Variants in DNAH1 observed in about 807,000 individuals in gnomAD.
DNAH1 encodes dynein axonemal heavy chain 1.
In DNAH1, 327 loss-of-function variants were observed where a neutral mutation model predicts 484.3. The ratio of observed to expected loss-of-function variants is 0.68; its 90% CI spans 0.62 to 0.74. The LOEUF (loss-of-function observed/expected upper bound fraction) is 0.74. DNAH1 is among the 30% of genes least tolerant of loss of function. DNAH1 has a pLI of 0.00. For missense variants in DNAH1, 5,052 were observed against 5,546.8 expected (o/e 0.91, Z 2.83); for synonymous variants, 2,192 against 2,191.9 (o/e 1.00, Z 0.00).
chr3:52,397,935 GC>G lies in DNAH1; in HGVS notation c.11958+61del, dbSNP rs1704712008. ...TGGACGGGCTGGGCTTCACCATCCT[GC>G]CCACTCCCCTGTGGGAAGGACCCCT... is the stretch of plus-strand genomic sequence containing the variant. On this transcript the variant is annotated intron_variant, in intron 74 of 77. Coordinates refer to ENST00000420323, the MANE Select transcript of DNAH1 (RefSeq NM_015512.5). 3 of 1,575,378 alleles carry G rather than the reference GC, an allele frequency of 1.9e-6. No homozygotes were observed. The South Asian group carries it at 3.6e-5, about 19-fold the overall frequency.
At chr3:52,393,606 G>C in intron 66 of DNAH1, 121 bp downstream of exon 66, 1 of 1,415,498 alleles carries the variant, frequency 7.1e-7, no homozygotes, top group Non-Finnish European at 9.6e-7. Context: ...AAGTGGCAGA[G>C]GAAACAATTC....
In DNAH1 at chr3:52,388,560, T is replaced by C. The variant is rs773431107; in HGVS notation, c.9314T>C (p.Leu3105Pro). The stretch of plus-strand genomic sequence containing the variant: ...GAATGCATTACCAAGAAGGAGGAGC[T>C]GGAGCTGAAGTGTGAGCAGTGTGAG... ...YRECITKKEE[L>P]ELKCEQCEQR... is the part of the protein sequence containing the mutation. The change falls in exon 58 of 78, where the codon CTG becomes CCG. Residue 3105 changes from leucine (L) to proline (P), a missense_variant. Transcript: ENST00000420323. The C allele has an allele frequency of 6.2e-7, 1 of 1,612,936 alleles. No individual in the cohort carries two copies. Among genetic ancestry groups the C allele is most frequent in the South Asian group, 1.1e-5 (1 of 90,930 alleles).
At position 52,370,758 on chromosome 3, in the gene DNAH1, A is replaced by T. The variant is rs746851839; in HGVS notation, c.6458A>T (p.Tyr2153Phe). Residue 2153 changes from tyrosine to phenylalanine, a missense_variant, in exon 41 of 78, where the codon TAC (tyrosine) becomes TTC (phenylalanine). Physicochemically the swap from Tyr to Phe is conservative, Grantham distance 22 (BLOSUM62 3). Coordinates refer to ENST00000420323, the MANE Select transcript of DNAH1 (RefSeq NM_015512.5). ...CCAGAAGAGGGGCTGGTGTTCGATTACAGGCTGGAGGACGCGGGCATCAGT... is the reference window on the plus strand; with the variant it reads ...CCAGAAGAGGGGCTGGTGTTCGATTTCAGGCTGGAGGACGCGGGCATCAGT... ...LFPEEGLVFD[Y>F]RLEDAGISGT... 1 of 1,608,438 alleles carries T rather than the reference A, an allele frequency of 6.2e-7. No individual in the cohort carries two copies. The highest frequency in any genetic ancestry group is 8.5e-7 in the Non-Finnish European group (1 of 1,177,714).
rs977521725 is a variant in DNAH1, at chr3:52,390,936, T to C, written c.9623T>C (p.Ile3208Thr). The part of the protein sequence containing the change: ...GNPVKIRSWQ[I>T]AGLPNDTLSV... ...AGTCCAGTGCCTGGCTCTCCACAGA[T>C]CGCTGGCCTCCCCAACGACACACTG... The change falls in exon 61 of 78, where the codon ATC becomes ACC. Residue 3208 changes from isoleucine to threonine, a missense_variant and splice_region_variant. Ile to Thr is a moderately conservative substitution (Grantham distance 89). This residue lies in a region of DNAH1 where 2,929 missense variants were observed against 3,409.4 expected (regional missense o/e 0.86). Transcript: ENST00000420323. 2 of 1,551,644 alleles carry C rather than the reference T, an allele frequency of 1.3e-6. No individual in the cohort carries two copies. Among genetic ancestry groups the C allele is most frequent in the African/African-American group, 2.7e-5 (2 of 73,026 alleles).
chr3:52,360,111 A>T, intron 27 of DNAH1, 32 bp downstream of exon 27: 2 of 1,613,006 alleles, frequency 1.2e-6, no homozygotes, highest in East Asian at 4.5e-5. Flanking sequence ...CCAGGGCCAG[A>T]GCAGCTGCCA....
chr3:52,341,921 GCA>G (rs1400798758), intron 8 of DNAH1, among the ~76,000 whole-genome samples: 1 of 152,184 alleles, frequency 6.6e-6, no homozygotes, highest in Non-Finnish European at 1.5e-5. Context: ...CAAAGAGCCT[GCA>G]CCCTGGGGAC....
At position 52,354,752 on chromosome 3, in the gene DNAH1, G is replaced by GTA. The variant is rs145104015; in HGVS notation, c.3481-90_3481-89dup. On this transcript the variant is annotated intron_variant, in intron 20 of 77. Transcript: ENST00000420323. ...GCGGCCATGTGGAGGTCATGGCCAG[G>GTA]TACTGTCTGCTGCTTCCCTGGGCAG... is the stretch of plus-strand genomic sequence containing the variant. 1.1e-3 allele frequency: 1,510 copies of GTA among 1,319,540 alleles called. 19 individuals are homozygous for GTA. The African/African-American group carries it at 0.02, about 18-fold the overall frequency. 81.7% of individuals were successfully genotyped at this position (1,319,540 alleles called of 1,614,324 possible). A position where few individuals can be genotyped will look rare whatever the true frequency, so the allele number is the denominator to read the frequency against.
At chr3:52,384,319 G>A (rs1704001793) in intron 52 of DNAH1, among the ~76,000 whole-genome samples, 1 of 152,214 alleles carries the variant, frequency 6.6e-6, no homozygotes, top group South Asian at 2.1e-4. Context: ...TAGAACTCCA[G>A]AGATCACAGA....
chr3:52,360,764 C>T (rs1035115450), intron 28 of DNAH1, among the ~76,000 whole-genome samples: 1 of 152,216 alleles, frequency 6.6e-6, no homozygotes, highest in Admixed American at 6.5e-5. Flanking sequence ...TCCGTCAATT[C>T]CTCCTTTAAT....
At chr3:52,319,504 A>G (rs1430222084) in intron 1 of DNAH1, among the ~76,000 whole-genome samples, 1 of 152,270 alleles carries the variant, frequency 6.6e-6, no homozygotes, top group African/African-American at 2.4e-5. Flanking sequence ...CTAAGCCACC[A>G]ATAACATTCA....
chr3:52,393,560 A>C lies in DNAH1; in HGVS notation c.10626+75A>C, dbSNP rs1015122981. ...CAGGGCCTGAGAACAGGGTGGAAGG[A>C]AAGGGAAAGCCAGGCATGAAGGCAC... On this transcript the variant is annotated intron_variant, in intron 66 of 77. Coordinates refer to ENST00000420323, the MANE Select transcript of DNAH1 (RefSeq NM_015512.5). 2.5e-6 allele frequency: 4 copies of C among 1,583,860 alleles called. No individual in the cohort carries two copies. The African/African-American group carries it at 5.4e-5, about 21-fold the overall frequency.
At position 52,346,631 on chromosome 3, in the gene DNAH1, A is replaced by T; in HGVS notation, c.1816A>T (p.Met606Leu). 6.2e-7 allele frequency: 1 copy of T among 1,614,054 alleles called. No homozygotes were observed. Among genetic ancestry groups the T allele is most frequent in the Non-Finnish European group, 8.5e-7 (1 of 1,179,886 alleles). Residue 606 changes from methionine (M) to leucine (L), a missense_variant, in exon 11 of 78, where the codon ATG becomes TTG. Transcript: ENST00000420323. Reference protein sequence around the residue: ...LRKLMELVKYMLQDTLRFLVQ... With the variant: ...LRKLMELVKYLLQDTLRFLVQ... ...CAAGCTGATGGAGCTGGTGAAGTAC[A>T]TGCTGCAGGACACACTGCGCTTCCT...
Position 52,396,915 on chromosome 3 carries a change from T to C in DNAH1, c.11658T>C (p.Thr3886=). 2 of 1,444,164 alleles carry C rather than the reference T, an allele frequency of 1.4e-6. No individual in the cohort carries two copies. Among genetic ancestry groups the C allele is most frequent in the Non-Finnish European group, 1.9e-6 (2 of 1,072,044 alleles). The allele number at this position is 1,444,164 out of a possible 1,614,324, so 89.5% of individuals were successfully genotyped here. Residue 3886 remains threonine, a synonymous_variant, in exon 73 of 78, where the codon ACT becomes ACC. Coordinates refer to ENST00000420323, the MANE Select transcript of DNAH1 (RefSeq NM_015512.5). ...AGEINYGGRV[T]DDWDRRCIMN... ...AGATCAATTACGGGGGCCGTGTCAC[T>C]GATGACTGGGACCGGCGCTGCATCA...
Position 52,361,232 on chromosome 3 carries a change from C to T in DNAH1, c.4754C>T (p.Thr1585Ile). 6.2e-7 allele frequency: 1 copy of T among 1,612,888 alleles called. No homozygotes were observed. Among genetic ancestry groups the T allele is most frequent in the Non-Finnish European group, 8.5e-7 (1 of 1,179,594 alleles). The change falls in exon 29 of 78, where the codon ACA becomes ATA. Residue 1585 changes from threonine (T) to isoleucine (I), a missense_variant. Physicochemically the swap from Thr to Ile is moderately conservative, Grantham distance 89. Transcript: ENST00000420323. This position sits in a 1 kb window ranked among gnomAD's most constrained non-coding sequence, Gnocchi z 5.6. ...FGGAPAGPAG[T>I]GKTETTKDLG... ...GGTGCCCCAGCTGGCCCAGCTGGCA[C>T]AGGCAAAACTGAGACCACCAAAGAC...
intron 73 of DNAH1, 148 bp from the exon 74 acceptor site, chr3:52,397,559 G>C: frequency 1.4e-6 from 1 of 731,940 alleles, no homozygotes; most frequent in South Asian, 2.0e-5. Context: ...GAGGCCTGGA[G>C]TCCCAAGAGC....
intron 63 of DNAH1, 95 bp downstream of exon 63, chr3:52,391,698 T>G (rs1704395431): frequency 6.9e-7 from 1 of 1,442,704 alleles, no homozygotes; most frequent in African/African-American, 1.4e-5. Flanking sequence ...TCAGTGGGAC[T>G]TTCCCCCACT....
At position 52,353,357 on chromosome 3, in the gene DNAH1, T is replaced by C; in HGVS notation, c.3227-23T>C. 1 of 1,608,726 alleles carries C rather than the reference T, an allele frequency of 6.2e-7. No homozygotes were observed. The highest frequency in any genetic ancestry group is 2.2e-5 in the East Asian group (1 of 44,800). ...CCCTGCCTCTGCCGCCTGCCTCTCATGCGTTTCTGTCTTACCCGGCAGCCT... is the reference window on the plus strand; with the variant it reads ...CCCTGCCTCTGCCGCCTGCCTCTCACGCGTTTCTGTCTTACCCGGCAGCCT... On this transcript the variant is annotated intron_variant, in intron 19 of 77. Coordinates refer to ENST00000420323, the MANE Select transcript of DNAH1 (RefSeq NM_015512.5). The surrounding 1 kb of genome is among the most constrained non-coding windows in gnomAD (Gnocchi z 5.0).
chr3:52,345,569 C>G lies in DNAH1; in HGVS notation c.1519C>G (p.Pro507Ala). 1 of 1,599,004 alleles carries G rather than the reference C, an allele frequency of 6.3e-7. No individual in the cohort carries two copies. Residue 507 changes from proline (P) to alanine (A), a missense_variant, in exon 10 of 78, where the codon CCA becomes GCA. By Grantham distance (27) the Pro-to-Ala change is conservative. Around this residue, in one of 4 missense-constraint regions of DNAH1, gnomAD observed 1,263 missense variants for 1,218.8 expected, o/e 1.04. Coordinates refer to ENST00000420323, the MANE Select transcript of DNAH1 (RefSeq NM_015512.5). Reference protein sequence around the residue: ...DFTFVSLLTRPEVITALSKVR... With the variant: ...DFTFVSLLTRAEVITALSKVR... ...CACTTTCGTGTCCCTGCTCACACGG[C>G]CAGAGGTCATCACGGCCCTCAGCAA...
At chr3:52,399,431 G>A (rs1704803156) in intron 76 of DNAH1, 114 bp from the exon 77 acceptor site, 4 of 1,042,388 alleles carry the variant, frequency 3.8e-6, no homozygotes, top group Non-Finnish European at 5.6e-6. Flanking sequence ...GTAGGTACGT[G>A]ATGATGGGCA....
Sources: gnomAD v4.1 joint callset for allele counts (sites outside exome capture counted in the v4.1 genomes callset) on GRCh38, gnomAD v4.1.1 for gene constraint, gnomAD v4.1.1 regional missense constraint, Gnocchi (gnomAD v3.1) non-coding constraint, MANE v1.5 for transcripts, NCBI Gene and HGNC (gene_info 2026-07-23, HGNC 2026-07-21) for gene names.